Variants in CSMD1 observed in about 807,000 individuals in gnomAD.
CSMD1 encodes the protein CUB and Sushi multiple domains 1.
A neutral mutation model predicts 417.5 loss-of-function variants in CSMD1; 213 were observed. The observed-to-expected ratio is 0.51, with a 90% CI of 0.46 to 0.57. CSMD1 has a LOEUF of 0.57. Among genes scored for constraint, CSMD1 ranks in the 20% least tolerant of loss-of-function variants. The probability of loss-of-function intolerance (pLI) is 0.00; values close to 1 mark genes in which losing one functional copy is unlikely to be tolerated. For synonymous variants in CSMD1, 2,862 were observed against 1,736.8 expected (o/e 1.65, Z -16.11); for missense variants, 6,923 against 4,529.7 (o/e 1.53, Z -15.17).
intron 1 of CSMD1, among the ~76,000 whole-genome samples, chr8:4,855,124 T>C (rs561257896): frequency 2.0e-3 from 300 of 151,730 alleles, no homozygotes; most frequent in African/African-American, 6.9e-3. Context: ...CCGAGCAGCC[T>C]AACTGGGAGG....
At chr8:4,397,066 A>G (rs1450917837) in intron 3 of CSMD1, among the ~76,000 whole-genome samples, 2 of 152,094 alleles carry the variant, frequency 1.3e-5, no homozygotes, top group Non-Finnish European at 2.9e-5. Context: ...ACCCTTCTCA[A>G]ATTATGCACA....
At chr8:3,853,372 T>C (rs1226159994) in intron 5 of CSMD1, among the ~76,000 whole-genome samples, 1 of 152,192 alleles carries the variant, frequency 6.6e-6, no homozygotes, top group African/African-American at 2.4e-5. Context: ...GGTATTGTTA[T>C]GTAATGTAAT....
At chr8:3,356,155 G>A (rs879401070) in intron 21 of CSMD1, among the ~76,000 whole-genome samples, 3 of 152,188 alleles carry the variant, frequency 2.0e-5, no homozygotes, top group Non-Finnish European at 2.9e-5. Context: ...ATCCTTAGGT[G>A]TCACCTGCAA....
At chr8:3,391,545 G>A (rs1286139827) in intron 17 of CSMD1, among the ~76,000 whole-genome samples, 3 of 152,184 alleles carry the variant, frequency 2.0e-5, no homozygotes, top group Non-Finnish European at 4.4e-5. Context: ...GTAAAGAATG[G>A]CTAGACTGTC....
At chr8:3,890,430 C>T (rs541666788) in intron 5 of CSMD1, among the ~76,000 whole-genome samples, 55 of 151,636 alleles carry the variant, frequency 3.6e-4, no homozygotes, top group African/African-American at 1.2e-3. Context: ...TGAACAAGCT[C>T]GCAGTGTCTT....
rs1585228205 is a variant in CSMD1 at position 3,481,000 on chromosome 8, C to T, written c.1449-12176G>A. Among the ~76,000 whole-genome samples the T allele has an allele frequency of 2.0e-5, 3 of 151,038 alleles. No individual in the cohort carries two copies. In the East Asian group the frequency reaches 5.9e-4, roughly 30 times the overall value. On this transcript the variant is annotated intron_variant, in intron 11 of 69. Transcript: ENST00000635120. ...TGAAACCCTGTCTGAACTAAAAATA[C>T]AAAAAATTAGCCAGGCGTGGTGGCA...
At chr8:4,334,324 G>T (rs903942073) in intron 3 of CSMD1, among the ~76,000 whole-genome samples, 1 of 152,142 alleles carries the variant, frequency 6.6e-6, no homozygotes, top group East Asian at 1.9e-4. Context: ...GGTATTTGTG[G>T]ATGTGAATGA....
intron 1 of CSMD1, among the ~76,000 whole-genome samples, chr8:4,841,930 A>AAAAAAAACAAAAC (rs1800865126): frequency 3.3e-5 from 4 of 122,426 alleles, no homozygotes; most frequent in African/African-American, 1.0e-4. Flanking sequence ...AAAAAAAAAA[A>AAAAAAAACAAAAC]AAAAAAAAGT....
intron 3 of CSMD1, among the ~76,000 whole-genome samples, chr8:4,134,298 T>C (rs1803287755): frequency 6.6e-6 from 1 of 152,112 alleles, no homozygotes; most frequent in East Asian, 1.9e-4. Flanking sequence ...GATAAAGCCT[T>C]TAGGTTGGTG....
intron 3 of CSMD1, among the ~76,000 whole-genome samples, chr8:4,183,834 G>A (rs12676505): frequency 0.12 from 17,635 of 152,152 alleles, 1,304 homozygotes; most frequent in Middle Eastern, 0.2. Context: ...CTCCCCTCCT[G>A]GATTGCCCAC....
intron 18 of CSMD1, among the ~76,000 whole-genome samples, chr8:3,372,721 C>G (rs1056938823): frequency 4.6e-5 from 7 of 152,078 alleles, no homozygotes; most frequent in East Asian, 1.9e-4. Context: ...TACCAAAGCT[C>G]CAAGTCTGCT....
chr8:3,696,882 TC>T (rs1287206416), intron 7 of CSMD1, among the ~76,000 whole-genome samples: 1 of 152,140 alleles, frequency 6.6e-6, no homozygotes, highest in East Asian at 1.9e-4. Flanking sequence ...TCATATGAAC[TC>T]CCATGAAAAT....
At chr8:4,821,590 A>G (rs1209977390) in intron 1 of CSMD1, among the ~76,000 whole-genome samples, 2 of 152,274 alleles carry the variant, frequency 1.3e-5, no homozygotes, top group Middle Eastern at 3.4e-3. Flanking sequence ...CTCTTCCTAC[A>G]GAGTCTCATG....
At chr8:3,701,080 G>T (rs1007401595) in intron 7 of CSMD1, among the ~76,000 whole-genome samples, 2 of 152,000 alleles carry the variant, frequency 1.3e-5, no homozygotes, top group Non-Finnish European at 2.9e-5. Context: ...TGCTGTGAAG[G>T]TCTAGGGACT....
chr8:4,733,183 C>A (rs550474546), intron 1 of CSMD1, among the ~76,000 whole-genome samples: 2 of 152,120 alleles, frequency 1.3e-5, no homozygotes, highest in African/African-American at 4.8e-5. Flanking sequence ...CTGAAAAAAG[C>A]GAAACCATGT....
intron 3 of CSMD1, among the ~76,000 whole-genome samples, chr8:4,070,213 G>C (rs1194420567): frequency 3.3e-5 from 5 of 151,834 alleles, no homozygotes; most frequent in African/African-American, 4.8e-5. Context: ...TGTGTTTCTT[G>C]TCTTTTCTTT....
chr8:3,661,010 C>T (rs1045114978), intron 7 of CSMD1, among the ~76,000 whole-genome samples: 3 of 152,208 alleles, frequency 2.0e-5, no homozygotes, highest in African/African-American at 7.2e-5. Flanking sequence ...CCAGCGTCAA[C>T]TGCTATTTGG....
In CSMD1 at chr8:3,578,762, C is replaced by A. The variant is rs77503331; in HGVS notation, c.1223-3696G>T. 7.4e-3 allele frequency among the ~76,000 whole-genome samples: 1,134 copies of A among 152,286 alleles called. 12 individuals carry two copies. The highest frequency in any genetic ancestry group is 0.026 in the African/African-American group (1,085 of 41,554). ...CTGGGACTGGACAATTTCATAGCATCCCTGGAGGCAGGGAAACTTCTTTCC... is the reference window on the plus strand; with the variant it reads ...CTGGGACTGGACAATTTCATAGCATACCTGGAGGCAGGGAAACTTCTTTCC... On this transcript the variant is annotated intron_variant, in intron 9 of 69. Transcript: ENST00000635120.
chr8:4,392,967 T>C (rs1468433110), intron 3 of CSMD1, among the ~76,000 whole-genome samples: 2 of 151,662 alleles, frequency 1.3e-5, no homozygotes, highest in East Asian at 3.9e-4. Context: ...GGACACTGTG[T>C]CAAAAATAAA....
Sources: allele counts gnomAD v4.1 joint callset (sites outside exome capture counted in the v4.1 genomes callset), GRCh38; gene constraint gnomAD v4.1.1; transcripts MANE v1.5; gene names NCBI Gene and HGNC (gene_info 2026-07-23, HGNC 2026-07-21).